Variants in PIK3C3 observed in about 807,000 individuals in gnomAD.
PIK3C3 encodes the protein phosphatidylinositol 3-kinase catalytic subunit type 3.
A neutral mutation model predicts 126.1 loss-of-function variants in PIK3C3; 95 were observed. The observed-to-expected ratio is 0.75, with a 90% confidence interval of 0.64 to 0.89. The LOEUF is 0.89. Among genes scored for constraint, PIK3C3 ranks in the 40% least tolerant of loss-of-function variants. The probability of loss-of-function intolerance (pLI) is 0.00; values close to 1 mark genes in which losing one functional copy is unlikely to be tolerated. For missense variants in PIK3C3, 829 were observed against 1,063.2 expected, an observed-to-expected ratio of 0.78 and a Z score of 3.06; for synonymous variants, 374 against 360.0, an observed-to-expected ratio of 1.04 and a Z score of -0.44.
intron 24 of PIK3C3, among the ~76,000 whole-genome samples, chr18:42,073,521 A>C (rs1368298687): frequency 6.6e-6 from 1 of 152,218 alleles, no homozygotes; most frequent in African/African-American, 2.4e-5. Context: ...ATGGCATCTT[A>C]CTACGCTGAA....
At chr18:42,068,360 T>C (rs1294849472) in intron 24 of PIK3C3, among the ~76,000 whole-genome samples, 1 of 152,230 alleles carries the variant, frequency 6.6e-6, no homozygotes. Context: ...TGTTGTGTAA[T>C]ACTCTCTTTC....
Position 42,004,356 on chromosome 18 carries a change from G to T in PIK3C3, c.985G>T (p.Ala329Ser). The change falls in exon 10 of 25, where the codon GCC (alanine) becomes TCC (serine). Residue 329 changes from alanine (A) to serine (S), a missense_variant and splice_region_variant. Ala to Ser is a moderately conservative substitution (Grantham distance 99, BLOSUM62 1). Coordinates refer to ENST00000262039, the MANE Select transcript of PIK3C3 (RefSeq NM_002647.4). Reference sequence around the variant, plus strand: ...ATTTTTAAATATTTTCTGATTTTAGGCCTTGACAAAATTCTTGAAATGTGT... The same window carrying T: ...ATTTTTAAATATTTTCTGATTTTAGTCCTTGACAAAATTCTTGAAATGTGT... ...FRYYLTNQEK[A>S]LTKFLKCVNW... The T allele has an allele frequency of 5.0e-6, 8 of 1,606,838 alleles. No homozygotes were observed. The highest frequency in any genetic ancestry group is 6.8e-6 in the Non-Finnish European group (8 of 1,176,730).
chr18:41,969,524 A>G (rs1026285064), intron 3 of PIK3C3, among the ~76,000 whole-genome samples: 5 of 152,224 alleles, frequency 3.3e-5, no homozygotes, highest in Admixed American at 1.3e-4. Context: ...ACTTTGAAGC[A>G]GGATAACCAA....
chr18:41,991,038 A>G (rs919195143), intron 6 of PIK3C3, among the ~76,000 whole-genome samples: 8 of 152,284 alleles, frequency 5.3e-5, no homozygotes, highest in African/African-American at 1.9e-4. Flanking sequence ...TGCAAAATTA[A>G]GACAATTTTA....
intron 19 of PIK3C3, among the ~76,000 whole-genome samples, chr18:42,041,848 C>G (rs1226631424): frequency 6.6e-6 from 1 of 152,184 alleles, no homozygotes; most frequent in Non-Finnish European, 1.5e-5. Context: ...CTTAGGACAT[C>G]AAACTGCCTG....
At chr18:42,004,679 A>G in intron 10 of PIK3C3, 138 bp downstream of exon 10, 1 of 647,762 alleles carries the variant, frequency 1.5e-6, no homozygotes, top group South Asian at 2.5e-5. Context: ...AGGGAAGAGG[A>G]TATACTAGGT....
chr18:41,969,576 T>C (rs984849222), intron 3 of PIK3C3, among the ~76,000 whole-genome samples: 5 of 152,238 alleles, frequency 3.3e-5, no homozygotes, highest in African/African-American at 9.6e-5. Context: ...TTCTGATTTA[T>C]AGACATGGGA....
chr18:41,980,704 T>C (rs184133739), intron 4 of PIK3C3, among the ~76,000 whole-genome samples: 1 of 151,826 alleles, frequency 6.6e-6, no homozygotes, highest in Admixed American at 6.6e-5. Flanking sequence ...TTTGTAATAA[T>C]GACTATAGTA....
intron 22 of PIK3C3, among the ~76,000 whole-genome samples, chr18:42,062,059 G>T (rs996866415): frequency 1.3e-5 from 2 of 152,018 alleles, no homozygotes; most frequent in Non-Finnish European, 2.9e-5. Flanking sequence ...AAGCTACCAA[G>T]GTGAATCTAA....
At chr18:42,039,637 A>G (rs193071615) in intron 18 of PIK3C3, among the ~76,000 whole-genome samples, 126 of 152,326 alleles carry the variant, frequency 8.3e-4, no homozygotes, top group African/African-American at 2.7e-3. Flanking sequence ...CATTGTCTCA[A>G]ACATTCTTTG....
chr18:42,081,300 T>C lies in PIK3C3; in HGVS notation c.*163T>C. The C allele has an allele frequency of 2.0e-6, 1 of 494,554 alleles. No homozygotes were observed. Among genetic ancestry groups the C allele is most frequent in the East Asian group, 3.1e-5 (1 of 31,998 alleles). 30.6% of individuals were successfully genotyped at this position (494,554 alleles called of 1,614,324 possible). ...ACATGGTACCTGAGTTCTGCTTCCT[T>C]GGATGTCATTGCTTAAATATAGTCT... is the stretch of plus-strand genomic sequence containing the variant. On this transcript the variant is annotated 3_prime_UTR_variant, in exon 25 of 25. Transcript: ENST00000262039.
chr18:41,963,239 CTT>C (rs977111185), intron 3 of PIK3C3, among the ~76,000 whole-genome samples: 6 of 152,198 alleles, frequency 3.9e-5, no homozygotes, highest in Admixed American at 1.3e-4. Context: ...GAACTTGGTC[CTT>C]CATCAAGTAT....
At chr18:42,018,427 T>C (rs939309512) in intron 12 of PIK3C3, among the ~76,000 whole-genome samples, 4 of 152,138 alleles carry the variant, frequency 2.6e-5, no homozygotes, top group Non-Finnish European at 5.9e-5. Context: ...TCTTGGCAGA[T>C]AGTCAAAAGA....
chr18:42,015,338 TAGTGTTGCACAGAACACACTTTAGGA>T, intron 11 of PIK3C3, 112 bp from the exon 12 acceptor site: 1 of 632,332 alleles, frequency 1.6e-6, no homozygotes. Context: ...AATGTGACTC[TAGTGTTGCACAGAACACACTTTAGGA>T]AGTGTTGCAT....
chr18:42,066,551 C>T (rs1282576685), intron 23 of PIK3C3, among the ~76,000 whole-genome samples: 2 of 152,048 alleles, frequency 1.3e-5, no homozygotes, highest in African/African-American at 2.4e-5. Context: ...GAGCCGGCTT[C>T]GTGAATTCTC....
chr18:41,999,377 G>T (rs1982175207), intron 9 of PIK3C3, among the ~76,000 whole-genome samples: 1 of 152,026 alleles, frequency 6.6e-6, no homozygotes, highest in African/African-American at 2.4e-5. Context: ...CATGCCTTTT[G>T]ATTATGCTTG....
intron 6 of PIK3C3, among the ~76,000 whole-genome samples, chr18:41,992,674 CT>C: frequency 6.6e-6 from 1 of 152,202 alleles, no homozygotes; most frequent in East Asian, 1.9e-4. Context: ...GGCTTTATTT[CT>C]GAAAAACTGA....
At chr18:42,069,035 A>G (rs965867208) in intron 24 of PIK3C3, among the ~76,000 whole-genome samples, 12 of 151,966 alleles carry the variant, frequency 7.9e-5, no homozygotes, top group African/African-American at 1.7e-4. Flanking sequence ...GGCTTTGTCT[A>G]TCAGTCACCT....
At chr18:42,034,523 T>C (rs1262131467) in intron 16 of PIK3C3, among the ~76,000 whole-genome samples, 2 of 152,240 alleles carry the variant, frequency 1.3e-5, no homozygotes, top group African/African-American at 2.4e-5. Context: ...CAGTCTGATA[T>C]CTGTTCCTGT....
Sources: gnomAD v4.1 joint callset for allele counts (sites outside exome capture counted in the v4.1 genomes callset) on GRCh38, gnomAD v4.1.1 for gene constraint, MANE v1.5 for transcripts, NCBI Gene and HGNC (gene_info 2026-07-23, HGNC 2026-07-21) for gene names.